TBC1D2B: variants seen among roughly 807,000 people sequenced by gnomAD.
TBC1D2B encodes TBC1 domain family member 2B.
Under a neutral mutation model 100.8 loss-of-function variants are expected in TBC1D2B, and 64 were observed. That is an observed-to-expected ratio of 0.64 (90% confidence interval 0.52 to 0.78). The LOEUF (loss-of-function observed/expected upper bound fraction) is 0.78. Ranked by LOEUF, TBC1D2B falls within the 30% of genes least tolerant of loss-of-function variation. The pLI, the probability that TBC1D2B is intolerant of heterozygous loss-of-function variation, is 0.00. For synonymous variants in TBC1D2B, 480 were observed against 479.7 expected, an observed-to-expected ratio of 1.00 and a Z score of -0.01; for missense variants, 1,052 against 1,218.4, an observed-to-expected ratio of 0.86 and a Z score of 2.03.
At chr15:78,046,022 C>A (rs1478717359) in intron 2 of TBC1D2B, among the ~76,000 whole-genome samples, 1 of 152,144 alleles carries the variant, frequency 6.6e-6, no homozygotes, top group Non-Finnish European at 1.5e-5. Flanking sequence ...ACCTCCTCCT[C>A]CTGGGTTCAA....
At chr15:78,041,964 C>G (rs888257747) in intron 3 of TBC1D2B, among the ~76,000 whole-genome samples, 1 of 152,164 alleles carries the variant, frequency 6.6e-6, no homozygotes, top group African/African-American at 2.4e-5. Context: ...AAATGAGAAA[C>G]GGAGGCACAG....
At chr15:78,075,107 C>T (rs776586068) in intron 1 of TBC1D2B, among the ~76,000 whole-genome samples, 1 of 151,574 alleles carries the variant, frequency 6.6e-6, no homozygotes, top group Non-Finnish European at 1.5e-5. Context: ...GAGCAGCAGA[C>T]TCCTGCTTCA....
In TBC1D2B at chr15:78,017,977, T is replaced by C; in HGVS notation, c.1471-20A>G. ...ATTATCCTGTTAGAAAAAAAAAAAATCCCTGAATTCACATTGGTTGAATAT... is the reference window on the plus strand; with the variant it reads ...ATTATCCTGTTAGAAAAAAAAAAAACCCCTGAATTCACATTGGTTGAATAT... On this transcript the variant is annotated intron_variant, in intron 6 of 12. Transcript: ENST00000300584. 3 of 1,210,330 alleles carry C rather than the reference T, an allele frequency of 2.5e-6. No individual in the cohort carries two copies. Among genetic ancestry groups the C allele is most frequent in the Non-Finnish European group, 3.6e-6 (3 of 843,636 alleles). The allele number at this position is 1,210,330 out of a possible 1,614,324, so 75.0% of individuals were successfully genotyped here. A position where few individuals can be genotyped will look rare whatever the true frequency, so the allele number is the denominator to read the frequency against.
chr15:78,059,434 T>G (rs1389656414), intron 1 of TBC1D2B, among the ~76,000 whole-genome samples: 1 of 152,184 alleles, frequency 6.6e-6, no homozygotes, highest in Non-Finnish European at 1.5e-5. Flanking sequence ...TGGAAAGCCA[T>G]TGTAGTTGTC....
chr15:78,018,628 G>T (rs1260900105), intron 6 of TBC1D2B, among the ~76,000 whole-genome samples: 1 of 152,176 alleles, frequency 6.6e-6, no homozygotes, highest in African/African-American at 2.4e-5. Context: ...TAACAAGCTG[G>T]TGACAAGTTC....
intron 1 of TBC1D2B, among the ~76,000 whole-genome samples, chr15:78,073,584 G>C (rs1372316247): frequency 6.6e-6 from 1 of 152,106 alleles, no homozygotes; most frequent in East Asian, 1.9e-4. Context: ...AAGACGAAAA[G>C]GAAGATAAAT....
intron 4 of TBC1D2B, among the ~76,000 whole-genome samples, chr15:78,026,575 T>A (rs1280344989): frequency 1.3e-5 from 2 of 152,166 alleles, no homozygotes. Context: ...TAAAACAAAC[T>A]AAGACATGCA....
chr15:78,077,655 C>A lies in TBC1D2B; in HGVS notation c.-3G>T, dbSNP rs1261724049. ...GCCCGGGCTCCGGCCCCCGGCATCG[C>A]TACCGCGCGCCAACCGTAGGCGCCC... On this transcript the variant is annotated 5_prime_UTR_variant, in exon 1 of 13. Coordinates refer to ENST00000300584, the MANE Select transcript of TBC1D2B (RefSeq NM_144572.2). 24 of 988,078 alleles carry A rather than the reference C, an allele frequency of 2.4e-5. No individual in the cohort carries two copies. Among genetic ancestry groups the A allele is most frequent in the Non-Finnish European group, 2.6e-5 (22 of 832,248 alleles). The allele number at this position is 988,078 out of a possible 1,614,324, so 61.2% of individuals were successfully genotyped here.
Position 78,016,539 on chromosome 15 carries a change from C to T in TBC1D2B, c.1775+7G>A, listed in dbSNP as rs1254092702. Reference sequence around the variant, plus strand: ...GCACTACCCTCAACAGTCACTAGCACATTTACCTGACAAGATGAGGTTTAA... The same window carrying T: ...GCACTACCCTCAACAGTCACTAGCATATTTACCTGACAAGATGAGGTTTAA... On this transcript the variant is annotated splice_region_variant and intron_variant, in intron 8 of 12. Coordinates refer to ENST00000300584, the MANE Select transcript of TBC1D2B (RefSeq NM_144572.2). The T allele has an allele frequency of 1.2e-6, 2 of 1,611,286 alleles. No homozygotes were observed. Among genetic ancestry groups the T allele is most frequent in the Non-Finnish European group, 1.7e-6 (2 of 1,179,320 alleles).
chr15:78,015,824 T>C (rs1303382435), intron 8 of TBC1D2B, among the ~76,000 whole-genome samples: 1 of 152,242 alleles, frequency 6.6e-6, no homozygotes, highest in Non-Finnish European at 1.5e-5. Context: ...TGTTGGGTAC[T>C]TTCTGAGCAT....
At chr15:78,046,346 G>C (rs2073194817) in intron 2 of TBC1D2B, among the ~76,000 whole-genome samples, 1 of 152,126 alleles carries the variant, frequency 6.6e-6, no homozygotes, top group Non-Finnish European at 1.5e-5. Context: ...TCTGAGAATA[G>C]GACATGCTTA....
intron 7 of TBC1D2B, among the ~76,000 whole-genome samples, chr15:78,017,528 G>C (rs1469165357): frequency 6.6e-6 from 1 of 152,072 alleles, no homozygotes; most frequent in East Asian, 1.9e-4. Context: ...TATGAACAAA[G>C]GTACACAAAG....
At position 77,996,442 on chromosome 15, in the gene TBC1D2B, A is replaced by G. The variant is rs1226902010; in HGVS notation, c.*1718T>C. 6.6e-6 allele frequency: 1 copy of G among 151,962 alleles called. No homozygotes were observed. Among genetic ancestry groups the G allele is most frequent in the Non-Finnish European group, 1.5e-5 (1 of 68,006 alleles). 9.4% of individuals were successfully genotyped at this position (151,962 alleles called of 1,614,324 possible). ...GGGCTGAGGGGTGGGGGGGGTTCCAACACTTGATTCGAGCAGACTGCAACG... is the reference window on the plus strand; with the variant it reads ...GGGCTGAGGGGTGGGGGGGGTTCCAGCACTTGATTCGAGCAGACTGCAACG... On this transcript the variant is annotated 3_prime_UTR_variant, in exon 13 of 13. Coordinates refer to ENST00000300584, the MANE Select transcript of TBC1D2B (RefSeq NM_144572.2).
intron 6 of TBC1D2B, among the ~76,000 whole-genome samples, chr15:78,021,697 T>C (rs2072519637): frequency 6.6e-6 from 1 of 152,292 alleles, no homozygotes; most frequent in Non-Finnish European, 1.5e-5. Flanking sequence ...CACCTCACAA[T>C]TGTGATATGT....
chr15:78,014,018 G>A (rs1166610853), intron 8 of TBC1D2B, among the ~76,000 whole-genome samples: 1 of 152,212 alleles, frequency 6.6e-6, no homozygotes, highest in African/African-American at 2.4e-5. Context: ...CCCCGAAGAT[G>A]GGAAAAGGGG....
At chr15:78,018,686 T>C (rs1363205036) in intron 6 of TBC1D2B, among the ~76,000 whole-genome samples, 4 of 152,216 alleles carry the variant, frequency 2.6e-5, no homozygotes, top group African/African-American at 9.6e-5. Context: ...ACATGTCATA[T>C]TGGCTTCAGC....
intron 1 of TBC1D2B, among the ~76,000 whole-genome samples, chr15:78,058,358 C>T (rs1196602876): frequency 6.6e-6 from 1 of 152,210 alleles, no homozygotes; most frequent in African/African-American, 2.4e-5. Context: ...CCTTCTACAG[C>T]ACTTTACAAC....
intron 3 of TBC1D2B, among the ~76,000 whole-genome samples, chr15:78,037,905 C>A (rs2072986202): frequency 6.6e-6 from 1 of 152,094 alleles, no homozygotes; most frequent in South Asian, 2.1e-4. Context: ...AGTTCCCAGT[C>A]AAAAAAGTGA....
At position 78,009,032 on chromosome 15, in the gene TBC1D2B, G is replaced by C. The variant is rs1470259761; in HGVS notation, c.2353C>G (p.Arg785Gly). Residue 785 changes from arginine (R) to glycine (G), a missense_variant, in exon 10 of 13, where the codon CGA (arginine) becomes GGA (glycine). Arg to Gly is a moderately radical substitution (Grantham distance 125). Around this residue, in one of 4 missense-constraint regions of TBC1D2B, gnomAD observed 373 missense variants for 464.9 expected, o/e 0.80. Transcript: ENST00000300584. Reference sequence around the variant, plus strand: ...AAAAGAGTCTTTGTATAATAGTCTCGAGGCATGAAAACTTCCACTATGGTA... The same window carrying C: ...AAAAGAGTCTTTGTATAATAGTCTCCAGGCATGAAAACTTCCACTATGGTA... ...LVTIVEVFMP[R>G]DYYTKTLLGS... 3 of 1,605,642 alleles carry C rather than the reference G, an allele frequency of 1.9e-6. No individual in the cohort carries two copies. The highest frequency in any genetic ancestry group is 2.6e-6 in the Non-Finnish European group (3 of 1,175,828).
Sources: allele counts gnomAD v4.1 joint callset (sites outside exome capture counted in the v4.1 genomes callset), GRCh38; gene constraint gnomAD v4.1.1; regional missense constraint gnomAD v4.1.1; transcripts MANE v1.5; gene names NCBI Gene and HGNC (gene_info 2026-07-23, HGNC 2026-07-21).